The following TRIM33 variants were observed in gnomAD, a reference collection of about 807,000 sequenced individuals.
TRIM33 encodes the protein E3 ubiquitin-protein ligase TRIM33.
Under a neutral mutation model 125.4 loss-of-function variants are expected in TRIM33, and 20 were observed. The ratio of observed to expected loss-of-function variants is 0.16; its 90% CI spans 0.11 to 0.23. The LOEUF (loss-of-function observed/expected upper bound fraction) is 0.23. Among genes scored for constraint, TRIM33 ranks in the 10% least tolerant of loss-of-function variants. The probability of loss-of-function intolerance (pLI) is 1.00; values close to 1 mark genes in which losing one functional copy is unlikely to be tolerated. For synonymous variants in TRIM33, 564 were observed against 513.9 expected, an observed-to-expected ratio of 1.10 and a Z score of -1.32; for missense variants, 920 against 1,411.4, an observed-to-expected ratio of 0.65 and a Z score of 5.58.
At chr1:114,420,810 T>C (rs1433889176) in intron 11 of TRIM33, among the ~76,000 whole-genome samples, 3 of 152,226 alleles carry the variant, frequency 2.0e-5, no homozygotes, top group Non-Finnish European at 4.4e-5. Flanking sequence ...TTTGGAATTC[T>C]GAAATATATA....
At chr1:114,406,775 T>TA (rs1367580550) in intron 14 of TRIM33, among the ~76,000 whole-genome samples, 166 bp downstream of exon 14, 3 of 152,228 alleles carry the variant, frequency 2.0e-5, no homozygotes, top group African/African-American at 7.2e-5. Flanking sequence ...AGCTGACTCT[T>TA]AGACAAAAAA....
At chr1:114,448,755 G>T (rs1201355052) in intron 4 of TRIM33, among the ~76,000 whole-genome samples, 1 of 152,212 alleles carries the variant, frequency 6.6e-6, no homozygotes, top group Non-Finnish European at 1.5e-5. Flanking sequence ...AAAAGTCACT[G>T]TGTGGTTGAA....
chr1:114,398,083 C>T, intron 18 of TRIM33, 93 bp from the exon 19 acceptor site: 1 of 1,324,320 alleles, frequency 7.6e-7, no homozygotes, highest in Non-Finnish European at 1.0e-6. Context: ...GAAAAGTCAG[C>T]CATACTAGGG....
At chr1:114,399,408 C>A in intron 18 of TRIM33, 49 bp downstream of exon 18, 7 of 1,523,726 alleles carry the variant, frequency 4.6e-6, no homozygotes, top group South Asian at 2.6e-5. Context: ...AACAAGGAAA[C>A]AAACAAAAAC....
chr1:114,430,620 G>C (rs1216469684), intron 6 of TRIM33, among the ~76,000 whole-genome samples, 178 bp downstream of exon 6: 2 of 152,012 alleles, frequency 1.3e-5, no homozygotes, highest in African/African-American at 4.8e-5. Flanking sequence ...TATTAAATTG[G>C]GCCGCAAAGT....
rs57102586 is a variant in TRIM33 at position 114,487,619 on chromosome 1, C to T, written c.526+22932G>A. Among the ~76,000 whole-genome samples, 1,437 of 151,922 alleles carry T rather than the reference C, an allele frequency of 9.5e-3. 21 individuals carry two copies. The highest frequency in any genetic ancestry group is 0.033 in the African/African-American group (1,354 of 41,454). On this transcript the variant is annotated intron_variant, in intron 1 of 19. Coordinates refer to ENST00000358465, the MANE Select transcript of TRIM33 (RefSeq NM_015906.4). ...ATGATAAAAATGAGAGTAAATAGGC[C>T]GGGCGCGGTGGCTCACGCCTGTAAT... is the stretch of plus-strand genomic sequence containing the variant.
Position 114,471,366 on chromosome 1 carries a change from AG to A in TRIM33, c.527-6979del, listed in dbSNP as rs555815397. ...TGAGGCAGGAGAACTGCTTGAACCC[AG>A]GAGGCGGAGACTGCAGTGAGCCAAG... On this transcript the variant is annotated intron_variant, in intron 1 of 19. Coordinates refer to ENST00000358465, the MANE Select transcript of TRIM33 (RefSeq NM_015906.4). Among the ~76,000 whole-genome samples, 131 of 151,862 alleles carry A rather than the reference AG, an allele frequency of 8.6e-4. 1 individual carries two copies. Among genetic ancestry groups the A allele is most frequent in the African/African-American group, 2.8e-3 (118 of 41,448 alleles).
chr1:114,429,101 TG>T (rs1647773475), intron 6 of TRIM33, among the ~76,000 whole-genome samples: 1 of 152,156 alleles, frequency 6.6e-6, no homozygotes, highest in Non-Finnish European at 1.5e-5. Flanking sequence ...TGGGTCCTTT[TG>T]GGGGGAAAAA....
intron 1 of TRIM33, among the ~76,000 whole-genome samples, chr1:114,496,455 T>C (rs1652371513): frequency 1.3e-5 from 2 of 152,214 alleles, no homozygotes; most frequent in South Asian, 4.1e-4. Flanking sequence ...CAACACTGCC[T>C]GAAATCTGAT....
At chr1:114,455,269 A>C (rs1649553538) in intron 4 of TRIM33, among the ~76,000 whole-genome samples, 1 of 152,190 alleles carries the variant, frequency 6.6e-6, no homozygotes, top group South Asian at 2.1e-4. Context: ...TGCCAAATTG[A>C]ACTCCCCAGA....
rs375638457 is a variant in TRIM33, at chr1:114,484,425, T to C, written c.527-20037A>G. Among the ~76,000 whole-genome samples the C allele has an allele frequency of 5.9e-5, 9 of 152,336 alleles. No homozygotes were observed. The East Asian group carries it at 1.2e-3, about 20-fold the overall frequency. On this transcript the variant is annotated intron_variant, in intron 1 of 19. Transcript: ENST00000358465. ...AGAATTATACTGGTCATCCTTTTCA[T>C]CTTTAAAAATGTGTGTTTAGGCTGG...
chr1:114,471,443 CAAA>C (rs34336957), intron 1 of TRIM33, among the ~76,000 whole-genome samples: 6 of 100,004 alleles, frequency 6.0e-5, no homozygotes, highest in Non-Finnish European at 6.1e-5. Flanking sequence ...GATTCTGTCT[CAAA>C]AAAAAAAAAA....
chr1:114,404,546 G>A (rs946431960), intron 15 of TRIM33: 1 of 152,040 alleles, frequency 6.6e-6, no homozygotes, highest in African/African-American at 2.4e-5. Context: ...ACTACCCAAA[G>A]AAAAGAAAAT....
intron 1 of TRIM33, among the ~76,000 whole-genome samples, chr1:114,506,614 C>T (rs1232222759): frequency 2.6e-5 from 4 of 151,990 alleles, no homozygotes; most frequent in African/African-American, 4.8e-5. Flanking sequence ...GTTATCCTCC[C>T]GCCTCAGCCT....
chr1:114,509,020 C>T (rs556756794), intron 1 of TRIM33, among the ~76,000 whole-genome samples: 1 of 152,306 alleles, frequency 6.6e-6, no homozygotes, highest in East Asian at 1.9e-4. Context: ...ATATATCATT[C>T]CTTTACTACC....
At chr1:114,462,648 G>A (rs1162486822) in intron 4 of TRIM33, among the ~76,000 whole-genome samples, 3 of 151,968 alleles carry the variant, frequency 2.0e-5, no homozygotes, top group African/African-American at 7.2e-5. Context: ...AAAATACAAA[G>A]GTATGTATTA....
At chr1:114,483,479 T>G (rs1010870873) in intron 1 of TRIM33, among the ~76,000 whole-genome samples, 1 of 151,616 alleles carries the variant, frequency 6.6e-6, no homozygotes, top group Non-Finnish European at 1.5e-5. Flanking sequence ...TGCAGTGGCA[T>G]GATCTCACTG....
chr1:114,440,095 T>C (rs752243154), intron 4 of TRIM33, among the ~76,000 whole-genome samples: 8 of 151,960 alleles, frequency 5.3e-5, no homozygotes, highest in Non-Finnish European at 8.8e-5. Context: ...ATACTAAGAG[T>C]AACCTGCCCC....
chr1:114,486,781 A>T (rs1382437354), intron 1 of TRIM33, among the ~76,000 whole-genome samples: 1 of 152,148 alleles, frequency 6.6e-6, no homozygotes, highest in Non-Finnish European at 1.5e-5. Context: ...AGAGGAGTAC[A>T]TAAAATTTAA....
Sources: allele counts gnomAD v4.1 joint callset (sites outside exome capture counted in the v4.1 genomes callset), GRCh38; gene constraint gnomAD v4.1.1; transcripts MANE v1.5; gene names NCBI Gene and HGNC (gene_info 2026-07-23, HGNC 2026-07-21).